The following RFX4 variants were observed in gnomAD, a reference collection of about 807,000 sequenced individuals.
RFX4 encodes the protein regulatory factor X4.
A neutral mutation model predicts 95.0 loss-of-function variants in RFX4; 10 were observed. That is an observed-to-expected ratio of 0.11 (90% CI 0.06 to 0.18). The LOEUF is 0.18. RFX4 is among the 10% of genes least tolerant of loss of function. RFX4 has a pLI of 1.00. For synonymous variants in RFX4, 321 were observed against 340.7 expected (o/e 0.94, Z 0.64); for missense variants, 640 against 922.0 (o/e 0.69, Z 3.96).
intron 15 of RFX4, among the ~76,000 whole-genome samples, chr12:106,737,162 GTTTTTTTTTTTTTTTTTTTTTTTTTTT>G (rs556116618): frequency 1.8e-5 from 1 of 54,890 alleles, no homozygotes; most frequent in African/African-American, 6.3e-5. Flanking sequence ...CGGAACTAAA[GTTTTTTTTTTTTTTTTTTTTTTTTTTT>G]TTTTTTTTTT....
At chr12:106,699,152 T>C (rs2137459171) in intron 8 of RFX4, among the ~76,000 whole-genome samples, 1 of 152,274 alleles carries the variant, frequency 6.6e-6, no homozygotes, top group East Asian at 1.9e-4. Flanking sequence ...CTCTTGTGAA[T>C]TCCTCTTTGA....
At chr12:106,599,596 G>C (rs911713213) in intron 1 of RFX4, among the ~76,000 whole-genome samples, 2 of 152,134 alleles carry the variant, frequency 1.3e-5, no homozygotes, top group Non-Finnish European at 2.9e-5. Context: ...TATTGTGATT[G>C]AGACTCCAGC....
intron 17 of RFX4, among the ~76,000 whole-genome samples, chr12:106,758,651 G>A (rs916374060): frequency 1.3e-5 from 2 of 152,190 alleles, no homozygotes; most frequent in Non-Finnish European, 2.9e-5. Flanking sequence ...GAGCTCTGTC[G>A]GGGAAGAGGC....
rs777542301 is a variant in RFX4, at chr12:106,687,180, TCTCACA to T, written c.591+85_591+90del. On this transcript the variant is annotated intron_variant, in intron 6 of 17. Transcript: ENST00000392842. ...CTCTCTGTCTCTATCTCTCTCTCTC[TCTCACA>T]CACACACACACACACACACACACAC... The T allele has an allele frequency of 4.9e-4, 332 of 679,692 alleles. 1 individual carries two copies. Among genetic ancestry groups the T allele is most frequent in the Admixed American group, 1.3e-3 (52 of 39,582 alleles). 42.1% of individuals were successfully genotyped at this position (679,692 alleles called of 1,614,324 possible). A position where few individuals can be genotyped will look rare whatever the true frequency, so the allele number is the denominator to read the frequency against.
rs61268862 is a variant in RFX4, at chr12:106,706,373, T to C, written c.834-2957T>C. 9.2e-5 allele frequency among the ~76,000 whole-genome samples: 14 copies of C among 151,770 alleles called. No homozygotes were observed. In the East Asian group the frequency reaches 2.5e-3, roughly 27 times the overall value. On this transcript the variant is annotated intron_variant, in intron 8 of 17. Transcript: ENST00000392842. ...GACAATGTGGAAGATGGAGTGGAGG[T>C]GGGAGGGTGAGCAGGGCAGGATGGA...
intron 4 of RFX4, among the ~76,000 whole-genome samples, chr12:106,661,454 C>T (rs1314553952): frequency 1.3e-5 from 2 of 152,144 alleles, no homozygotes; most frequent in East Asian, 1.9e-4. Flanking sequence ...CTCATATACC[C>T]CGTCCCTACA....
chr12:106,701,071 C>G (rs2041981702), intron 8 of RFX4, among the ~76,000 whole-genome samples: 1 of 152,166 alleles, frequency 6.6e-6, no homozygotes, highest in Non-Finnish European at 1.5e-5. Context: ...TATTGCAGGT[C>G]TAGTGGTAAC....
intron 3 of RFX4, among the ~76,000 whole-genome samples, chr12:106,650,922 G>A (rs745632307): frequency 4.0e-5 from 6 of 151,812 alleles, no homozygotes; most frequent in Non-Finnish European, 7.4e-5. Flanking sequence ...ATAGCATCCC[G>A]GAAGCACTCA....
chr12:106,654,571 C>T (rs2040919369), intron 4 of RFX4, among the ~76,000 whole-genome samples: 1 of 152,062 alleles, frequency 6.6e-6, no homozygotes, highest in African/African-American at 2.4e-5. Flanking sequence ...CTTGAATTTC[C>T]TCAGTACTTA....
At chr12:106,700,317 C>A (rs1318312946) in intron 8 of RFX4, among the ~76,000 whole-genome samples, 1 of 151,974 alleles carries the variant, frequency 6.6e-6, no homozygotes, top group African/African-American at 2.4e-5. Context: ...CAGGTGTGAG[C>A]CACCATGCCT....
intron 2 of RFX4, among the ~76,000 whole-genome samples, chr12:106,630,583 A>G (rs746012647): frequency 2.0e-5 from 3 of 152,206 alleles, no homozygotes; most frequent in African/African-American, 7.2e-5. Flanking sequence ...GGGAAATGAA[A>G]CGTTTGGCAG....
intron 3 of RFX4, among the ~76,000 whole-genome samples, chr12:106,639,886 A>G (rs186899733): frequency 1.2e-4 from 18 of 152,282 alleles, no homozygotes; most frequent in Admixed American, 8.5e-4. Flanking sequence ...CTTGTGTTTG[A>G]TATTTACAGA....
chr12:106,687,849 C>T (rs1469409668), intron 6 of RFX4, among the ~76,000 whole-genome samples: 1 of 152,148 alleles, frequency 6.6e-6, no homozygotes, highest in African/African-American at 2.4e-5. Flanking sequence ...TATGCTGTCT[C>T]ATTTCATGAG....
chr12:106,608,512 A>T (rs1263534643), intron 1 of RFX4, among the ~76,000 whole-genome samples: 1 of 152,202 alleles, frequency 6.6e-6, no homozygotes, highest in Non-Finnish European at 1.5e-5. Context: ...TTGGTGCTAC[A>T]AATACTCCAG....
At chr12:106,635,011 G>T (rs1242957244) in intron 2 of RFX4, among the ~76,000 whole-genome samples, 1 of 152,168 alleles carries the variant, frequency 6.6e-6, no homozygotes. Context: ...ATAAATATTT[G>T]TTGAACAAAT....
intron 13 of RFX4, among the ~76,000 whole-genome samples, chr12:106,725,338 C>T (rs530158494): frequency 1.6e-4 from 25 of 151,906 alleles, no homozygotes; most frequent in Non-Finnish European, 3.1e-4. Flanking sequence ...GACGGCACAT[C>T]AAAGAATTTA....
At chr12:106,684,827 C>T (rs745684772) in intron 5 of RFX4, 9 of 1,560,912 alleles carry the variant, frequency 5.8e-6, no homozygotes, top group Admixed American at 1.9e-5. Flanking sequence ...AACTGGGCTG[C>T]CTTCGGAGGG....
chr12:106,589,719 C>A (rs1280137338), intron 1 of RFX4, among the ~76,000 whole-genome samples: 3 of 152,086 alleles, frequency 2.0e-5, no homozygotes, highest in African/African-American at 7.2e-5. Context: ...GATTTGAATC[C>A]CACTTGGTGA....
At chr12:106,749,257 CAAAAAAA>C (rs1162244017) in intron 16 of RFX4, among the ~76,000 whole-genome samples, 1 of 49,252 alleles carries the variant, frequency 2.0e-5, no homozygotes, top group South Asian at 6.8e-4. Flanking sequence ...TACTCCAACT[CAAAAAAA>C]AAAAAAAAAA....
Sources: gnomAD v4.1 joint callset for allele counts (sites outside exome capture counted in the v4.1 genomes callset) on GRCh38, gnomAD v4.1.1 for gene constraint, MANE v1.5 for transcripts, NCBI Gene and HGNC (gene_info 2026-07-23, HGNC 2026-07-21) for gene names.